C4orf51: variants seen among roughly 807,000 people sequenced by gnomAD.
C4orf51 encodes the protein uncharacterized protein C4orf51.
C4orf51 carries 25 observed loss-of-function variants against 25.2 expected under a neutral mutation model. The observed-to-expected ratio is 0.99, with a 90% CI of 0.72 to 1.39. The LOEUF is 1.39. Among genes scored for constraint, C4orf51 ranks in the 40% most tolerant of loss-of-function variants. C4orf51 has a pLI of 0.00. For synonymous variants in C4orf51, 100 were observed against 84.5 expected (o/e 1.18, Z -1.01); for missense variants, 252 against 239.6 (o/e 1.05, Z -0.34).
Position 145,763,268 on chromosome 4 carries a change from A to C in C4orf51, n.167-7720A>C. ...AGGACATTTCTGTGACCCACAGCTC[A>C]ATCTTTCTTTCACTGCTCAGGCAAA... On this transcript the variant is annotated intron_variant and non_coding_transcript_variant, in intron 1 of 1. Coordinates refer to the C4orf51 transcript ENST00000510096. This position sits in a 1 kb window ranked among gnomAD's most constrained non-coding sequence, Gnocchi z 4.6. The C allele has an allele frequency of 4.8e-6, 4 of 837,038 alleles. No individual in the cohort carries two copies. Among genetic ancestry groups the C allele is most frequent in the Non-Finnish European group, 7.3e-6 (4 of 546,668 alleles). The allele number at this position is 837,038 out of a possible 1,614,324, so 51.9% of individuals were successfully genotyped here. A position where few individuals can be genotyped will look rare whatever the true frequency, so the allele number is the denominator to read the frequency against.
At chr4:145,750,412 GTTTT>G (rs55700691) in intron 1 of C4orf51, among the ~76,000 whole-genome samples, 37 of 108,116 alleles carry the variant, frequency 3.4e-4, no homozygotes, top group Non-Finnish European at 5.4e-4. Context: ...TAGGGTAAAA[GTTTT>G]TTTTTTTTTT....
At chr4:145,688,409 T>C (rs1729314798) in intron 1 of C4orf51, among the ~76,000 whole-genome samples, 1 of 152,168 alleles carries the variant, frequency 6.6e-6, no homozygotes, top group Admixed American at 6.5e-5. Context: ...CCAAATCTCA[T>C]ATCCAATTGT....
intron 2 of C4orf51, among the ~76,000 whole-genome samples, chr4:145,712,668 G>A (rs1457735067): frequency 3.3e-5 from 5 of 152,242 alleles, no homozygotes; most frequent in Non-Finnish European, 7.3e-5. Flanking sequence ...GAAGCAGCAA[G>A]TGCTGAGGTA....
At chr4:145,787,908 A>T in the C4orf51 span, among the ~76,000 whole-genome samples, 1 of 152,170 alleles carries the variant, frequency 6.6e-6, no homozygotes, top group African/African-American at 2.4e-5. Flanking sequence ...CACAGTAATT[A>T]AATCTCCATC....
chr4:145,771,274 G>A (rs1003987948), downstream of C4orf51, among the ~76,000 whole-genome samples: 6 of 152,078 alleles, frequency 3.9e-5, no homozygotes, highest in African/African-American at 1.4e-4. Context: ...CAGATCTCTC[G>A]ATTGTTTTCA....
In C4orf51 at chr4:145,732,597, T is replaced by A. The variant is rs371101440; in HGVS notation, c.*37T>A. 1.1e-5 allele frequency: 16 copies of A among 1,477,770 alleles called. No homozygotes were observed. The African/African-American group carries it at 1.2e-4, about 12-fold the overall frequency. 91.5% of individuals were successfully genotyped at this position (1,477,770 alleles called of 1,614,324 possible). A position where few individuals can be genotyped will look rare whatever the true frequency, so the allele number is the denominator to read the frequency against. Reference sequence around the variant, plus strand: ...AAGCCACAAGGCTGGAGGCGTGGAGTTTGCTTAATAAACAACTTTGAGGTA... The same window carrying A: ...AAGCCACAAGGCTGGAGGCGTGGAGATTGCTTAATAAACAACTTTGAGGTA... On this transcript the variant is annotated 3_prime_UTR_variant, in exon 6 of 6. Transcript: ENST00000438731.
Position 145,747,551 on chromosome 4 carries a change from C to T in C4orf51, n.168-6656C>T, listed in dbSNP as rs183033330. ...ACGTTTACATTCCTGAGATAAATCC[C>T]ACTTGGTAATGATGAATAATCCTTT... On this transcript the variant is annotated intron_variant and non_coding_transcript_variant, in intron 1 of 1. Coordinates refer to the C4orf51 transcript ENST00000508981. 4.6e-5 allele frequency among the ~76,000 whole-genome samples: 7 copies of T among 152,172 alleles called. No homozygotes were observed. In the East Asian group the frequency reaches 9.6e-4, roughly 21 times the overall value.
Position 145,761,128 on chromosome 4 carries a change from C to A in C4orf51, n.167-9860C>A. The A allele has an allele frequency of 7.8e-7, 1 of 1,289,638 alleles. No individual in the cohort carries two copies. The highest frequency in any genetic ancestry group is 1.2e-5 in the South Asian group (1 of 81,022). The allele number at this position is 1,289,638 out of a possible 1,614,324, so 79.9% of individuals were successfully genotyped here. A position where few individuals can be genotyped will look rare whatever the true frequency, so the allele number is the denominator to read the frequency against. On this transcript the variant is annotated intron_variant and non_coding_transcript_variant, in intron 1 of 1. Coordinates refer to the C4orf51 transcript ENST00000510096. The surrounding 1 kb of genome is among the most constrained non-coding windows in gnomAD (Gnocchi z 6.8). The stretch of plus-strand genomic sequence containing the variant: ...GCTCCCGACCACCAGGAGCGGGGCC[C>A]CCGGGCCGGCCGGTTCCTTGGGGGC...
intron 1 of C4orf51, among the ~76,000 whole-genome samples, chr4:145,738,451 A>G (rs540204112): frequency 0.059 from 4,082 of 68,652 alleles, 190 homozygotes; most frequent in African/African-American, 0.15. Context: ...CTCTATCTCG[A>G]AAAAAAACAT....
intron 2 of C4orf51, among the ~76,000 whole-genome samples, chr4:145,704,148 T>C (rs1730645462): frequency 2.0e-5 from 3 of 152,222 alleles, no homozygotes; most frequent in African/African-American, 7.2e-5. Context: ...AGGTGGCTTT[T>C]TTATGTAGAT....
downstream of C4orf51, among the ~76,000 whole-genome samples, chr4:145,735,955 TG>T (rs1732783144): frequency 6.6e-6 from 1 of 152,162 alleles, no homozygotes; most frequent in Admixed American, 6.5e-5. Context: ...ATCCGTCATC[TG>T]GGTCAGCCCT....
chr4:145,755,834 CTG>C (rs1459778295), downstream of C4orf51, among the ~76,000 whole-genome samples: 1 of 152,208 alleles, frequency 6.6e-6, no homozygotes, highest in Non-Finnish European at 1.5e-5. Flanking sequence ...TCTTGAATAT[CTG>C]TGATAGATGG....
chr4:145,746,455 A>G (rs1044637362), intron 1 of C4orf51, among the ~76,000 whole-genome samples: 10 of 152,106 alleles, frequency 6.6e-5, no homozygotes, highest in African/African-American at 2.2e-4. Flanking sequence ...TCCCAGTGCC[A>G]TTTATTGTAG....
rs191384682 is a variant in C4orf51, at chr4:145,702,785, A to G, written c.307+6153A>G. 1.3e-3 allele frequency among the ~76,000 whole-genome samples: 202 copies of G among 152,158 alleles called. 3 individuals carry two copies. The South Asian group carries it at 0.025, about 19-fold the overall frequency. ...TCCTCTTATTCCATATAGTTTCTCA[A>G]TTCATCCAAAGCCGTATCCAGGCCA... is the stretch of plus-strand genomic sequence containing the variant. On this transcript the variant is annotated intron_variant, in intron 2 of 5. Transcript: ENST00000438731.
chr4:145,762,961 G>A lies in C4orf51; in HGVS notation n.167-8027G>A, dbSNP rs577181414. The A allele has an allele frequency of 2.2e-5, 19 of 844,948 alleles. No individual in the cohort carries two copies. The highest frequency in any genetic ancestry group is 1.0e-4 in the African/African-American group (6 of 58,836). 52.3% of individuals were successfully genotyped at this position (844,948 alleles called of 1,614,324 possible). On this transcript the variant is annotated intron_variant and non_coding_transcript_variant, in intron 1 of 1. Coordinates refer to the C4orf51 transcript ENST00000510096. The surrounding 1 kb of genome is among the most constrained non-coding windows in gnomAD (Gnocchi z 4.9). ...CAACACAACCAAGTGCACCGTGCAC[G>A]GCCTCCTCAGCGCCAAGCTCGCCGT... is the stretch of plus-strand genomic sequence containing the variant.
intron 1 of C4orf51, among the ~76,000 whole-genome samples, chr4:145,693,846 C>CG (rs1729803465): frequency 1.3e-5 from 1 of 78,770 alleles, no homozygotes; most frequent in Non-Finnish European, 2.6e-5. Context: ...GGGGGCTGAC[C>CG]CCCCCCACCT....
At chr4:145,791,608 A>G in the C4orf51 span, among the ~76,000 whole-genome samples, 1 of 152,208 alleles carries the variant, frequency 6.6e-6, no homozygotes, top group Non-Finnish European at 1.5e-5. Context: ...TCTCTATTAT[A>G]TCATTCTCAA....
intron 1 of C4orf51, among the ~76,000 whole-genome samples, chr4:145,751,355 C>T (rs1277449984): frequency 6.6e-6 from 1 of 152,168 alleles, no homozygotes; most frequent in Non-Finnish European, 1.5e-5. Flanking sequence ...TTACGGGACT[C>T]CTCCAGCCCA....
At chr4:145,741,134 T>C (rs4437279) in intron 1 of C4orf51, among the ~76,000 whole-genome samples, 107,137 of 152,022 alleles carry the variant, frequency 0.7, 38,212 homozygotes, top group Non-Finnish European at 0.77. Flanking sequence ...AACAATCTCT[T>C]TGAAACTTCA....
Sources: gnomAD v4.1 joint callset for allele counts (sites outside exome capture counted in the v4.1 genomes callset) on GRCh38, gnomAD v4.1.1 for gene constraint, Gnocchi (gnomAD v3.1) non-coding constraint, MANE v1.5 for transcripts, NCBI Gene and HGNC (gene_info 2026-07-23, HGNC 2026-07-21) for gene names.